ATP8B1: variants seen among roughly 807,000 people sequenced by gnomAD.
ATP8B1 encodes the protein phospholipid-transporting ATPase IC.
In ATP8B1, 80 loss-of-function variants were observed where a neutral mutation model predicts 149.9. That is an observed-to-expected ratio of 0.53 (90% CI 0.45 to 0.64). The LOEUF (loss-of-function observed/expected upper bound fraction) is 0.64, where lower values mean the gene tolerates loss of function less well. Among genes scored for constraint, ATP8B1 ranks in the 30% least tolerant of loss-of-function variants. ATP8B1 has a pLI of 0.00. For missense variants in ATP8B1, 1,247 were observed against 1,552.6 expected (o/e 0.80, Z 3.31); for synonymous variants, 536 against 562.8 (o/e 0.95, Z 0.67).
chr18:57,694,768 G>A (rs935601596), intron 10 of ATP8B1, 98 bp from the exon 11 acceptor site: 23 of 881,900 alleles, frequency 2.6e-5, no homozygotes, highest in Non-Finnish European at 2.4e-5. Flanking sequence ...GGTGGCTTAC[G>A]CCTGTAATCC....
chr18:57,650,627 G>A (rs772768094), intron 26 of ATP8B1, 130 bp from the exon 27 acceptor site: 10 of 1,126,248 alleles, frequency 8.9e-6, no homozygotes, highest in Non-Finnish European at 1.1e-5. Context: ...TGGATTGCCA[G>A]AGCTCAGGAG....
In ATP8B1 at chr18:57,795,384, CAG is replaced by C. The variant is rs1329889641; in HGVS notation, c.-26+7612_-26+7613del. Among the ~76,000 whole-genome samples the C allele has an allele frequency of 2.0e-5, 3 of 152,030 alleles. No individual in the cohort carries two copies. The East Asian group carries it at 5.8e-4, about 29-fold the overall frequency. On this transcript the variant is annotated intron_variant, in intron 1 of 27. Transcript: ENST00000648908. ...CACCACTGCACTCCAGCCTGGGCAACAGAGTGAGACCTTGTCTTAAAAAAAAT... is the reference window on the plus strand; with the variant it reads ...CACCACTGCACTCCAGCCTGGGCAACAGTGAGACCTTGTCTTAAAAAAAAT...
rs1910530675 is a variant in ATP8B1 at position 57,662,536 on chromosome 18, A to G, written c.2365T>C (p.Ser789Pro). ...YAKFAPPVQE[S>P]FFPPGGNRAL... ...CGGTTTCCACCGGGTGGAAAAAAAG[A>G]TTCCTGCACAGGAGGTGCAAACTTT... The change falls in exon 21 of 28, where the codon TCT becomes CCT. Residue 789 changes from serine to proline, a missense_variant. Physicochemically the swap from Ser to Pro is moderately conservative, Grantham distance 74. This residue lies in a region of ATP8B1 where 853 missense variants were observed against 1,035.7 expected (regional missense o/e 0.82). Coordinates refer to ENST00000648908, the MANE Select transcript of ATP8B1 (RefSeq NM_001374385.1). The G allele has an allele frequency of 1.9e-6, 3 of 1,614,076 alleles. No individual in the cohort carries two copies. In the African/African-American group the frequency reaches 4.0e-5, roughly 22 times the overall value.
intron 1 of ATP8B1, among the ~76,000 whole-genome samples, chr18:57,772,686 C>T (rs1255755546): frequency 6.6e-6 from 1 of 152,116 alleles, no homozygotes; most frequent in African/African-American, 2.4e-5. Context: ...TGGCTCCTGT[C>T]CCTATGAAGC....
chr18:57,786,577 T>C (rs777340452), intron 1 of ATP8B1, among the ~76,000 whole-genome samples: 5 of 152,134 alleles, frequency 3.3e-5, no homozygotes, highest in Non-Finnish European at 7.3e-5. Context: ...ATATAAAAGC[T>C]AGCTACCATC....
At chr18:57,662,708 A>G in intron 20 of ATP8B1, 93 bp from the exon 21 acceptor site, 2 of 1,415,988 alleles carry the variant, frequency 1.4e-6, no homozygotes, top group Non-Finnish European at 2.0e-6. Flanking sequence ...ATTGTGACAA[A>G]AAAACAAAGT....
chr18:57,675,397 A>G (rs1230852929), intron 15 of ATP8B1, among the ~76,000 whole-genome samples: 1 of 152,226 alleles, frequency 6.6e-6, no homozygotes, highest in East Asian at 1.9e-4. Flanking sequence ...GATTATTTTA[A>G]TGCTGTATCT....
rs150686560 is a variant in ATP8B1 at position 57,771,054 on chromosome 18, G to C, written c.-26+31944C>G. On this transcript the variant is annotated intron_variant, in intron 1 of 27. Coordinates refer to ENST00000648908, the MANE Select transcript of ATP8B1 (RefSeq NM_001374385.1). ...ATTTTTGTATTTTTAGTAGAGACAG[G>C]GTTTCACCATGTTGGTCAGGCTGGT... is the stretch of plus-strand genomic sequence containing the variant. Among the ~76,000 whole-genome samples, 120 of 152,266 alleles carry C rather than the reference G, an allele frequency of 7.9e-4. 1 individual carries two copies. Among genetic ancestry groups the C allele is most frequent in the African/African-American group, 2.8e-3 (118 of 41,530 alleles).
At chr18:57,799,047 A>C (rs1157458180) in intron 1 of ATP8B1, among the ~76,000 whole-genome samples, 1 of 152,236 alleles carries the variant, frequency 6.6e-6, no homozygotes, top group Non-Finnish European at 1.5e-5. Flanking sequence ...CCTTTTACTG[A>C]ACTGTGTGCT....
intron 13 of ATP8B1, among the ~76,000 whole-genome samples, chr18:57,687,333 C>T (rs1912300905): frequency 6.6e-6 from 1 of 152,200 alleles, no homozygotes; most frequent in Admixed American, 6.5e-5. Context: ...TAGAATTATA[C>T]AACATTTGTC....
rs764863689 is a variant in ATP8B1, at chr18:57,662,564, G to A, written c.2337C>T (p.Tyr779=). The A allele has an allele frequency of 1.9e-4, 306 of 1,614,094 alleles. No homozygotes were observed. The highest frequency in any genetic ancestry group is 2.3e-4 in the Non-Finnish European group (267 of 1,180,000). ...CCTGCACAGGAGGTGCAAACTTTGC[G>A]TAGACGCCACCTCTATTCCTCTGGT... is the stretch of plus-strand genomic sequence containing the variant. ...MENQRNRGGV[Y]AKFAPPVQES... The change falls in exon 21 of 28, where the codon TAC becomes TAT. Residue 779 remains tyrosine, a synonymous_variant. Transcript: ENST00000648908.
chr18:57,737,743 A>AT (rs2079872687), intron 1 of ATP8B1: 1 of 151,882 alleles, frequency 6.6e-6, no homozygotes, highest in Non-Finnish European at 1.5e-5. Flanking sequence ...CCTTTTCATC[A>AT]TTGCTTCCAA....
At chr18:57,787,000 A>G (rs187198483) in intron 1 of ATP8B1, among the ~76,000 whole-genome samples, 1 of 152,336 alleles carries the variant, frequency 6.6e-6, no homozygotes, top group Admixed American at 6.5e-5. Flanking sequence ...GAGCTTAGAC[A>G]AATTTGAGAG....
Position 57,647,976 on chromosome 18 carries a change from C to T in ATP8B1, c.*512G>A. 1 of 216,344 alleles carries T rather than the reference C, an allele frequency of 4.6e-6. No individual in the cohort carries two copies. The highest frequency in any genetic ancestry group is 7.0e-5 in the South Asian group (1 of 14,316). 13.4% of individuals were successfully genotyped at this position (216,344 alleles called of 1,614,324 possible). Reference sequence around the variant, plus strand: ...TGCTAGGATGACAGGCATGAGCCACCATGCCCGGCCTATTTTTAAATTTTT... The same window carrying T: ...TGCTAGGATGACAGGCATGAGCCACTATGCCCGGCCTATTTTTAAATTTTT... On this transcript the variant is annotated 3_prime_UTR_variant, in exon 28 of 28. Transcript: ENST00000648908.
At chr18:57,703,576 CAA>C (rs35128451) in intron 4 of ATP8B1, among the ~76,000 whole-genome samples, 29,664 of 131,542 alleles carry the variant, frequency 0.23, 3,346 homozygotes, top group South Asian at 0.4. Context: ...AACACGGTCT[CAA>C]AAAAAAAAAA....
At position 57,802,527 on chromosome 18, in the gene ATP8B1, G is replaced by C. The variant is rs2080589572; in HGVS notation, c.-26+471C>G. ...GGCCGCGGTCAGATACGTTTGGCCC[G>C]CAAGTCCTTTTCGGACACGTTGGCA... is the stretch of plus-strand genomic sequence containing the variant. On this transcript the variant is annotated intron_variant, in intron 1 of 27. Coordinates refer to ENST00000648908, the MANE Select transcript of ATP8B1 (RefSeq NM_001374385.1). This position sits in a 1 kb window ranked among gnomAD's most constrained non-coding sequence, Gnocchi z 4.9. Among the ~76,000 whole-genome samples, 1 of 152,166 alleles carries C rather than the reference G, an allele frequency of 6.6e-6. No homozygotes were observed. Among genetic ancestry groups the C allele is most frequent in the Non-Finnish European group, 1.5e-5 (1 of 68,030 alleles).
At chr18:57,661,547 A>G (rs1910405604) in intron 21 of ATP8B1, 85 bp from the exon 22 acceptor site, 1 of 1,448,092 alleles carries the variant, frequency 6.9e-7, no homozygotes, top group Admixed American at 2.0e-5. Context: ...TATGTGAAGG[A>G]TAATTTTTGG....
At chr18:57,697,363 G>A (rs1460054380) in intron 8 of ATP8B1, among the ~76,000 whole-genome samples, 2 of 152,054 alleles carry the variant, frequency 1.3e-5, no homozygotes, top group Non-Finnish European at 2.9e-5. Flanking sequence ...CTGTCTGGAC[G>A]CTGCTCAGCA....
rs545079639 is a variant in ATP8B1, at chr18:57,695,092, G to A, written c.940+79C>T. The stretch of plus-strand genomic sequence containing the variant: ...TATTACTCTTCTTTTGGTTTTGATG[G>A]ACAAAGGACAGAAAAGCAATCCCCT... On this transcript the variant is annotated intron_variant, in intron 10 of 27. Coordinates refer to ENST00000648908, the MANE Select transcript of ATP8B1 (RefSeq NM_001374385.1). 2,009 of 1,227,564 alleles carry A rather than the reference G, an allele frequency of 1.6e-3. 2 individuals are homozygous for A. The highest frequency in any genetic ancestry group is 2.1e-3 in the Non-Finnish European group (1,771 of 848,264). The allele number at this position is 1,227,564 out of a possible 1,614,324, so 76.0% of individuals were successfully genotyped here.
Sources: gnomAD v4.1 joint callset for allele counts (sites outside exome capture counted in the v4.1 genomes callset) on GRCh38, gnomAD v4.1.1 for gene constraint, gnomAD v4.1.1 regional missense constraint, Gnocchi (gnomAD v3.1) non-coding constraint, MANE v1.5 for transcripts, NCBI Gene and HGNC (gene_info 2026-07-23, HGNC 2026-07-21) for gene names.